Variants in TMEM44 observed in about 807,000 individuals in gnomAD.
The protein encoded by TMEM44 is transmembrane protein 44.
In TMEM44, 43 loss-of-function variants were observed where a neutral mutation model predicts 47.8. That is an observed-to-expected ratio of 0.90 (90% CI 0.70 to 1.16). The LOEUF (loss-of-function observed/expected upper bound fraction) is 1.16. Among genes scored for constraint, TMEM44 ranks in the 50% most tolerant of loss-of-function variants. TMEM44 has a pLI of 0.00. For synonymous variants in TMEM44, 277 were observed against 238.8 expected (o/e 1.16, Z -1.48); for missense variants, 568 against 555.2 (o/e 1.02, Z -0.23).
At chr3:194,597,430 A>G (rs1773173) in intron 9 of TMEM44, 140,352 of 152,260 alleles carry the variant, frequency 0.92, 64,746 homozygotes, top group East Asian at 0.98. Context: ...AGGCTGAGGC[A>G]GGTGGATGAC....
chr3:194,595,387 C>A (rs1713274881), intron 9 of TMEM44, among the ~76,000 whole-genome samples: 1 of 152,098 alleles, frequency 6.6e-6, no homozygotes, highest in African/African-American at 2.4e-5. Context: ...TTCTTTAATT[C>A]TGGAAGAGTT....
In TMEM44 at chr3:194,633,206, C is replaced by T; in HGVS notation, c.10G>A (p.Ala4Thr). ...CAGAGCGCGGGCGCGGGGCTGGGCG[C>T]CTCCCCCATGGCGCGGCTGGGCGCG... is the stretch of plus-strand genomic sequence containing the variant. MGE[A>T]PSPAPALWDW... Residue 4 changes from alanine (A) to threonine (T), a missense_variant, in exon 1 of 10, where the codon GCG (alanine) becomes ACG (threonine). By Grantham distance (58) the Ala-to-Thr change is moderately conservative. Coordinates refer to ENST00000347147, the MANE Select transcript of TMEM44 (RefSeq NM_001011655.3). 2.7e-6 allele frequency: 4 copies of T among 1,480,408 alleles called. No individual in the cohort carries two copies. The highest frequency in any genetic ancestry group is 3.6e-6 in the Non-Finnish European group (4 of 1,114,224). 91.7% of individuals were successfully genotyped at this position (1,480,408 alleles called of 1,614,324 possible). A position where few individuals can be genotyped will look rare whatever the true frequency, so the allele number is the denominator to read the frequency against.
chr3:194,590,918 G>A (rs1712597026), intron 9 of TMEM44, among the ~76,000 whole-genome samples: 1 of 152,196 alleles, frequency 6.6e-6, no homozygotes, highest in African/African-American at 2.4e-5. Context: ...TACAGGCCGG[G>A]CACGGGGACT....
At chr3:194,615,518 T>C (rs753471993) in intron 7 of TMEM44, 51 bp downstream of exon 7, 152 of 1,599,958 alleles carry the variant, frequency 9.5e-5, no homozygotes, top group Non-Finnish European at 1.2e-4. Flanking sequence ...CAAGATACTG[T>C]TGCTGGGACC....
At chr3:194,615,532 G>A (rs1485781216) in intron 7 of TMEM44, 37 bp downstream of exon 7, 4 of 1,606,804 alleles carry the variant, frequency 2.5e-6, no homozygotes, top group African/African-American at 1.3e-5. Flanking sequence ...TGGGACCAGA[G>A]TTTTCCAGCC....
chr3:194,593,108 G>C, intron 9 of TMEM44: 1 of 1,611,164 alleles, frequency 6.2e-7, no homozygotes. Flanking sequence ...AAAAGTGTTG[G>C]ACAGATTTTG....
chr3:194,608,389 C>T (rs1313832983), intron 8 of TMEM44, among the ~76,000 whole-genome samples: 3 of 152,228 alleles, frequency 2.0e-5, no homozygotes, highest in African/African-American at 7.2e-5. Context: ...ATTCAAAACA[C>T]ACCTTTACTG....
chr3:194,619,994 T>C (rs1172722550), intron 5 of TMEM44, among the ~76,000 whole-genome samples: 1 of 152,034 alleles, frequency 6.6e-6, no homozygotes, highest in Non-Finnish European at 1.5e-5. Flanking sequence ...TTCTTCCTTT[T>C]ACTCAACAGG....
rs1332270142 is a variant in TMEM44 at position 194,587,731 on chromosome 3, C to G, written c.*798G>C. Reference sequence around the variant, plus strand: ...CCCAGTGTTCACTCCCACCTTAGCCCCATTCCATGCGCCCTTACCCTTACT... The same window carrying G: ...CCCAGTGTTCACTCCCACCTTAGCCGCATTCCATGCGCCCTTACCCTTACT... On this transcript the variant is annotated 3_prime_UTR_variant, in exon 10 of 10. Transcript: ENST00000347147. 6.6e-6 allele frequency: 1 copy of G among 152,298 alleles called. No individual in the cohort carries two copies. 9.4% of individuals were successfully genotyped at this position (152,298 alleles called of 1,614,324 possible). A position where few individuals can be genotyped will look rare whatever the true frequency, so the allele number is the denominator to read the frequency against.
intron 9 of TMEM44, among the ~76,000 whole-genome samples, chr3:194,600,802 G>C (rs112199795): frequency 0.013 from 1,959 of 152,062 alleles, 43 homozygotes; most frequent in African/African-American, 0.045. Flanking sequence ...TTACCAGAAG[G>C]ACCAGGGGAT....
chr3:194,615,022 A>C (rs1715724321), intron 7 of TMEM44, among the ~76,000 whole-genome samples: 1 of 152,066 alleles, frequency 6.6e-6, no homozygotes, highest in South Asian at 2.1e-4. Context: ...AGATCACCTG[A>C]GGTCAGGAGT....
intron 1 of TMEM44, 159 bp downstream of exon 1, chr3:194,632,920 C>T (rs941781403): frequency 2.7e-6 from 3 of 1,116,794 alleles, no homozygotes; most frequent in African/African-American, 3.3e-5. Context: ...GAAAGAAGAT[C>T]CCACTTCAGT....
chr3:194,610,945 T>A lies in TMEM44; in HGVS notation c.988A>T (p.Met330Leu). The A allele has an allele frequency of 6.2e-7, 1 of 1,613,934 alleles. No individual in the cohort carries two copies. Among genetic ancestry groups the A allele is most frequent in the Non-Finnish European group, 8.5e-7 (1 of 1,179,952 alleles). ...TGCACAGGCTCGATGGTCAGCTCCA[T>A]GTAGCGACTGATTGCTGTCATTGTC... ...LRTMTAISRY[M>L]ELTIEPVQQA... is the part of the protein sequence containing the mutation. Residue 330 changes from methionine to leucine, a missense_variant, in exon 8 of 10, where the codon ATG (methionine) becomes TTG (leucine). Transcript: ENST00000347147.
chr3:194,611,516 A>G lies in TMEM44; in HGVS notation c.913-496T>C, dbSNP rs1043193786. Among the ~76,000 whole-genome samples, 3 of 152,204 alleles carry G rather than the reference A, an allele frequency of 2.0e-5. No individual in the cohort carries two copies. The highest frequency in any genetic ancestry group is 1.3e-4 in the Admixed American group (2 of 15,270). ...TGAGACCCTGTCGTACAAACAAAACAAAACAAGGAATGCCTACTTCCCACT... is the reference window on the plus strand; with the variant it reads ...TGAGACCCTGTCGTACAAACAAAACGAAACAAGGAATGCCTACTTCCCACT... On this transcript the variant is annotated intron_variant, in intron 7 of 9. Transcript: ENST00000347147. The surrounding 1 kb of genome is among the most constrained non-coding windows in gnomAD (Gnocchi z 4.2).
intron 1 of TMEM44, among the ~76,000 whole-genome samples, chr3:194,632,519 CA>C (rs575532502): frequency 1.1e-3 from 172 of 152,238 alleles, no homozygotes; most frequent in African/African-American, 4.0e-3. Context: ...CTGGACAGAC[CA>C]GGGCAAAGAC....
chr3:194,592,224 CAAAAAAAAA>C (rs58909852), intron 9 of TMEM44, among the ~76,000 whole-genome samples: 1 of 129,988 alleles, frequency 7.7e-6, no homozygotes, highest in African/African-American at 3.1e-5. Flanking sequence ...GACTCCGTCT[CAAAAAAAAA>C]AAAAAAAAAA....
At position 194,617,187 on chromosome 3, in the gene TMEM44, A is replaced by G. The variant is rs1012006885; in HGVS notation, c.695T>C (p.Ile232Thr). The G allele has an allele frequency of 3.4e-5, 52 of 1,542,658 alleles. No homozygotes were observed. Among genetic ancestry groups the G allele is most frequent in the Non-Finnish European group, 4.4e-5 (50 of 1,141,760 alleles). Residue 232 changes from isoleucine (I) to threonine (T), a missense_variant, in exon 6 of 10, where the codon ATT becomes ACT. Coordinates refer to ENST00000347147, the MANE Select transcript of TMEM44 (RefSeq NM_001011655.3). ...CTCAGGGTGCTGGTCGTGGGCCACA[A>G]TGGCCGAGGCATAGAGGAGGCCAGC... ...ALAGLLYASAIVAHDQHPEYL... is the reference protein window; with the variant it reads ...ALAGLLYASATVAHDQHPEYL...
At chr3:194,612,585 G>A (rs891804554) in intron 7 of TMEM44, among the ~76,000 whole-genome samples, 4 of 146,828 alleles carry the variant, frequency 2.7e-5, no homozygotes, top group African/African-American at 1.0e-4. Context: ...CTAAGGTAGT[G>A]AAGAGCCCAG....
At chr3:194,597,899 C>A (rs1713617980) in intron 9 of TMEM44, among the ~76,000 whole-genome samples, 1 of 152,202 alleles carries the variant, frequency 6.6e-6, no homozygotes, top group Admixed American at 6.6e-5. Context: ...ATAAGTCCTG[C>A]TCTCTCTGGG....
Sources: gnomAD v4.1 joint callset for allele counts (sites outside exome capture counted in the v4.1 genomes callset) on GRCh38, gnomAD v4.1.1 for gene constraint, Gnocchi (gnomAD v3.1) non-coding constraint, MANE v1.5 for transcripts, NCBI Gene and HGNC (gene_info 2026-07-23, HGNC 2026-07-21) for gene names.